The following SCG3 variants were observed in gnomAD, a reference collection of about 807,000 sequenced individuals.
The protein encoded by SCG3 is secretogranin III, also known as secretogranin-3.
A neutral mutation model predicts 56.2 loss-of-function variants in SCG3; 38 were observed. That is an observed-to-expected ratio of 0.68 (90% CI 0.52 to 0.89). The LOEUF is 0.89. Ranked by LOEUF, SCG3 falls within the 40% of genes least tolerant of loss-of-function variation. The probability of loss-of-function intolerance (pLI) is 0.00; values close to 1 mark genes in which losing one functional copy is unlikely to be tolerated. For synonymous variants in SCG3, 176 were observed against 184.2 expected (o/e 0.96, Z 0.36); for missense variants, 524 against 540.7 (o/e 0.97, Z 0.31).
intron 10 of SCG3, among the ~76,000 whole-genome samples, chr15:51,707,703 A>G (rs1343537301): frequency 2.0e-5 from 3 of 152,208 alleles, no homozygotes; most frequent in Admixed American, 6.5e-5. Context: ...GTGCTCTTCC[A>G]GTCTTCCATG....
chr15:51,695,777 C>T, intron 7 of SCG3, 98 bp from the exon 8 acceptor site: 1 of 624,866 alleles, frequency 1.6e-6, no homozygotes, highest in Non-Finnish European at 2.7e-6. Flanking sequence ...AAAAAAAAAA[C>T]CCAAACAAAC....
At chr15:51,711,811 T>A (rs1240672507) in intron 10 of SCG3, among the ~76,000 whole-genome samples, 1 of 152,158 alleles carries the variant, frequency 6.6e-6, no homozygotes, top group Non-Finnish European at 1.5e-5. Context: ...AAATTGTGGA[T>A]CTCTTCTGGT....
Position 51,719,621 on chromosome 15 carries a change from A to AG in SCG3, c.*98dup. 1.2e-6 allele frequency: 1 copy of AG among 847,216 alleles called. No individual in the cohort carries two copies. The highest frequency in any genetic ancestry group is 1.9e-6 in the Non-Finnish European group (1 of 539,628). 52.5% of individuals were successfully genotyped at this position (847,216 alleles called of 1,614,324 possible). A position where few individuals can be genotyped will look rare whatever the true frequency, so the allele number is the denominator to read the frequency against. On this transcript the variant is annotated 3_prime_UTR_variant, in exon 12 of 12. Transcript: ENST00000220478. ...TCTGTGATTAAAATTTTTTGACCCA[A>AG]GGGTTATTAGAAAGTGCTGAATTTA...
At position 51,683,294 on chromosome 15, in the gene SCG3, A is replaced by C; in HGVS notation, c.257A>C (p.Lys86Thr). 1.2e-6 allele frequency: 2 copies of C among 1,613,884 alleles called. No homozygotes were observed. The highest frequency in any genetic ancestry group is 1.7e-6 in the Non-Finnish European group (2 of 1,179,836). ...NLLKAITEKE[K>T]IEKERQSIRS... ...CTAAAGGCAATAACAGAAAAGGAAAAAATTGAGAAAGAAAGACAATCTATA... is the reference window on the plus strand; with the variant it reads ...CTAAAGGCAATAACAGAAAAGGAAACAATTGAGAAAGAAAGACAATCTATA... The change falls in exon 4 of 12, where the codon AAA (lysine) becomes ACA (threonine). Residue 86 changes from lysine (K) to threonine (T), a missense_variant. Physicochemically the swap from Lys to Thr is moderately conservative, Grantham distance 78. Coordinates refer to ENST00000220478, the MANE Select transcript of SCG3 (RefSeq NM_013243.4).
intron 4 of SCG3, among the ~76,000 whole-genome samples, chr15:51,687,304 G>A (rs1340914786): frequency 4.6e-5 from 7 of 152,140 alleles, no homozygotes; most frequent in Non-Finnish European, 1.5e-5. Context: ...ATATCACTGG[G>A]GCTAAAATTC....
At chr15:51,706,353 A>G (rs1595838093) in intron 10 of SCG3, among the ~76,000 whole-genome samples, 1 of 152,250 alleles carries the variant, frequency 6.6e-6, no homozygotes, top group African/African-American at 2.4e-5. Context: ...GAAATGGCCC[A>G]AGAATAGTCC....
intron 11 of SCG3, among the ~76,000 whole-genome samples, chr15:51,719,071 C>T (rs1173857015): frequency 6.6e-6 from 1 of 152,148 alleles, no homozygotes; most frequent in Non-Finnish European, 1.5e-5. Context: ...GAATATGAAT[C>T]TGCCACTTCC....
chr15:51,682,855 TTC>T (rs1240600203), intron 2 of SCG3, among the ~76,000 whole-genome samples: 1 of 152,212 alleles, frequency 6.6e-6, no homozygotes, highest in East Asian at 1.9e-4. Flanking sequence ...TACCAGAGAT[TTC>T]TCTTTCAACA....
rs1042263867 is a variant in SCG3, at chr15:51,690,081, C to T, written c.690+713C>T. The stretch of plus-strand genomic sequence containing the variant: ...GCAGATGTCATCATCTGTGCCCAAT[C>T]CCCCCACAAAGAAGTGGGTTGACTA... On this transcript the variant is annotated intron_variant, in intron 6 of 11. Transcript: ENST00000220478. Among the ~76,000 whole-genome samples, 103 of 152,118 alleles carry T rather than the reference C, an allele frequency of 6.8e-4. 1 individual carries two copies. Among genetic ancestry groups the T allele is most frequent in the African/African-American group, 2.4e-3 (99 of 41,406 alleles).
chr15:51,699,334 T>C lies in SCG3; in HGVS notation c.1001T>C (p.Met334Thr), dbSNP rs1470206556. 3 of 1,606,208 alleles carry C rather than the reference T, an allele frequency of 1.9e-6. No individual in the cohort carries two copies. Among genetic ancestry groups the C allele is most frequent in the African/African-American group, 1.3e-5 (1 of 74,416 alleles). The change falls in exon 9 of 12, where the codon ATG (methionine) becomes ACG (threonine). Residue 334 changes from methionine (M) to threonine (T), a missense_variant. Transcript: ENST00000220478. ...CTCCCTCCAGAAAACTTGGATGAAA[T>C]GATTGCTCTTCAGACCAAAAACAAG... ...GVSYLENLDE[M>T]IALQTKNKLE...
chr15:51,699,333 A>T lies in SCG3; in HGVS notation c.1000A>T (p.Met334Leu). 1 of 1,606,074 alleles carries T rather than the reference A, an allele frequency of 6.2e-7. No individual in the cohort carries two copies. Among genetic ancestry groups the T allele is most frequent in the Non-Finnish European group, 8.5e-7 (1 of 1,177,750 alleles). Residue 334 changes from methionine (M) to leucine (L), a missense_variant, in exon 9 of 12, where the codon ATG (methionine) becomes TTG (leucine). Coordinates refer to ENST00000220478, the MANE Select transcript of SCG3 (RefSeq NM_013243.4). ...GVSYLENLDE[M>L]IALQTKNKLE... ...CCTCCCTCCAGAAAACTTGGATGAA[A>T]TGATTGCTCTTCAGACCAAAAACAA... is the stretch of plus-strand genomic sequence containing the variant.
At chr15:51,705,353 A>C (rs531475755) in intron 10 of SCG3, among the ~76,000 whole-genome samples, 1 of 152,280 alleles carries the variant, frequency 6.6e-6, no homozygotes, top group South Asian at 2.1e-4. Flanking sequence ...CCATGTAAAA[A>C]ATGAATATAA....
At chr15:51,691,956 G>A (rs990833895) in intron 6 of SCG3, among the ~76,000 whole-genome samples, 1 of 148,720 alleles carries the variant, frequency 6.7e-6, no homozygotes, top group Non-Finnish European at 1.5e-5. Context: ...CCCTGAGGTA[G>A]AGCACCTTTC....
intron 10 of SCG3, among the ~76,000 whole-genome samples, chr15:51,706,022 T>C (rs917896431): frequency 3.3e-5 from 5 of 152,172 alleles, no homozygotes; most frequent in African/African-American, 1.2e-4. Context: ...GGACCAGCAA[T>C]TTCTAGGAAA....
Position 51,699,419 on chromosome 15 carries a change from AT to A in SCG3, c.1069+24del, listed in dbSNP as rs747559537. The A allele has an allele frequency of 1.3e-5, 19 of 1,499,178 alleles. No individual in the cohort carries two copies. The highest frequency in any genetic ancestry group is 3.8e-5 in the Admixed American group (2 of 52,430). The allele number at this position is 1,499,178 out of a possible 1,614,324, so 92.9% of individuals were successfully genotyped here. A position where few individuals can be genotyped will look rare whatever the true frequency, so the allele number is the denominator to read the frequency against. ...TTTTCCCAGGTATGATTATTTAACT[AT>A]TTTTTTAGCCTTTAGAATAATAACC... On this transcript the variant is annotated intron_variant, in intron 9 of 11. Transcript: ENST00000220478.
rs551588829 is a variant in SCG3 at position 51,706,432 on chromosome 15, C to G, written c.1207+5188C>G. On this transcript the variant is annotated intron_variant, in intron 10 of 11. Coordinates refer to ENST00000220478, the MANE Select transcript of SCG3 (RefSeq NM_013243.4). ...ACACATATCCCGCTTGTTGATGAGC[C>G]AGACATAGATAGAACAGGATCCCTT... Among the ~76,000 whole-genome samples, 9 of 152,232 alleles carry G rather than the reference C, an allele frequency of 5.9e-5. No individual in the cohort carries two copies. The South Asian group carries it at 1.9e-3, about 32-fold the overall frequency.
At chr15:51,718,257 C>T (rs993002200) in intron 11 of SCG3, among the ~76,000 whole-genome samples, 6 of 151,770 alleles carry the variant, frequency 4.0e-5, no homozygotes, top group African/African-American at 1.2e-4. Context: ...GGTATAACCT[C>T]GTGGGGTTTT....
At chr15:51,692,391 G>C in intron 7 of SCG3, 55 bp downstream of exon 7, 1 of 1,466,462 alleles carries the variant, frequency 6.8e-7, no homozygotes, top group Non-Finnish European at 9.4e-7. Flanking sequence ...TCCAGGAAAT[G>C]TATGGGTGTG....
intron 10 of SCG3, among the ~76,000 whole-genome samples, chr15:51,709,734 T>A (rs2055407166): frequency 1.1e-5 from 1 of 89,402 alleles, no homozygotes; most frequent in Non-Finnish European, 2.2e-5. Context: ...TTTTTTTTTT[T>A]TTTTGAGACA....
Sources: gnomAD v4.1 joint callset for allele counts (sites outside exome capture counted in the v4.1 genomes callset) on GRCh38, gnomAD v4.1.1 for gene constraint, MANE v1.5 for transcripts, NCBI Gene and HGNC (gene_info 2026-07-23, HGNC 2026-07-21) for gene names.